The following ZNF385D variants were observed in gnomAD, a reference collection of about 807,000 sequenced individuals.
The protein encoded by ZNF385D is zinc finger protein 659.
In ZNF385D, 15 loss-of-function variants were observed where a neutral mutation model predicts 35.8. That is an observed-to-expected ratio of 0.42 (90% CI 0.28 to 0.64). ZNF385D has a LOEUF of 0.64. ZNF385D is among the 30% of genes least tolerant of loss of function. ZNF385D has a pLI of 0.23. For missense variants in ZNF385D, 474 were observed against 494.6 expected (o/e 0.96, Z 0.39); for synonymous variants, 212 against 186.8 (o/e 1.13, Z -1.10).
Position 21,444,500 on chromosome 3 carries a change from T to C in ZNF385D, c.440-7297A>G, listed in dbSNP as rs200716475. ...CCCTGGTTCAAGCAATTCTCCTGCC[T>C]CAGCCTCCTGAGTAGCTGGGATTAC... On this transcript the variant is annotated intron_variant, in intron 4 of 7. Coordinates refer to ENST00000281523, the MANE Select transcript of ZNF385D (RefSeq NM_024697.3). 3.3e-5 allele frequency among the ~76,000 whole-genome samples: 5 copies of C among 149,956 alleles called. No individual in the cohort carries two copies. In the East Asian group the frequency reaches 1.0e-3, roughly 30 times the overall value.
chr3:22,268,505 C>G (rs2125357194), intron 2 of ZNF385D, among the ~76,000 whole-genome samples: 1 of 152,026 alleles, frequency 6.6e-6, no homozygotes, highest in Admixed American at 6.6e-5. Context: ...GTCAGAGGGT[C>G]ACTGCCACAA....
intron 2 of ZNF385D, among the ~76,000 whole-genome samples, chr3:22,309,309 CAGTTA>C (rs1220715647): frequency 1.3e-5 from 2 of 151,866 alleles, no homozygotes; most frequent in Non-Finnish European, 2.9e-5. Context: ...CTGCCCTGTA[CAGTTA>C]AAACTTTAAT....
At chr3:21,935,918 A>G (rs1701234697) in intron 3 of ZNF385D, among the ~76,000 whole-genome samples, 3 of 152,158 alleles carry the variant, frequency 2.0e-5, no homozygotes, top group African/African-American at 7.2e-5. Context: ...GATTAGAGTC[A>G]CATTTTAAAG....
chr3:21,827,041 C>T (rs1421573593), intron 3 of ZNF385D, among the ~76,000 whole-genome samples: 1 of 152,012 alleles, frequency 6.6e-6, no homozygotes, highest in Non-Finnish European at 1.5e-5. Context: ...AGTAATTTTG[C>T]CATTAAAAGT....
chr3:22,122,840 C>G (rs1293468737), intron 3 of ZNF385D, among the ~76,000 whole-genome samples: 1 of 152,070 alleles, frequency 6.6e-6, no homozygotes, highest in Non-Finnish European at 1.5e-5. Flanking sequence ...TGCAAAGGCC[C>G]TGATGTAGAA....
chr3:21,632,134 T>C (rs1490761548), intron 2 of ZNF385D, among the ~76,000 whole-genome samples: 1 of 152,136 alleles, frequency 6.6e-6, no homozygotes, highest in Non-Finnish European at 1.5e-5. Flanking sequence ...AATATTCTTG[T>C]AGTGGGAAAG....
chr3:21,626,466 A>G (rs1251528622), intron 2 of ZNF385D, among the ~76,000 whole-genome samples: 1 of 152,114 alleles, frequency 6.6e-6, no homozygotes, highest in East Asian at 1.9e-4. Flanking sequence ...TCTTAAGATA[A>G]TATTTGGTTC....
chr3:22,330,163 G>A (rs1315475575), intron 2 of ZNF385D, among the ~76,000 whole-genome samples: 1 of 152,062 alleles, frequency 6.6e-6, no homozygotes, highest in Non-Finnish European at 1.5e-5. Flanking sequence ...ATTTCTCACT[G>A]ATTCATTTTT....
intron 3 of ZNF385D, among the ~76,000 whole-genome samples, chr3:21,919,688 C>A (rs904282409): frequency 1.3e-5 from 2 of 152,158 alleles, no homozygotes; most frequent in Admixed American, 6.5e-5. Context: ...CCATATAATT[C>A]CCCTTTGTCT....
chr3:22,124,011 T>C (rs891196525), intron 3 of ZNF385D, among the ~76,000 whole-genome samples: 20 of 145,136 alleles, frequency 1.4e-4, no homozygotes, highest in Admixed American at 1.2e-3. Flanking sequence ...CTCATCCTGT[T>C]GTGCAAGCAA....
At chr3:21,930,150 C>G (rs976206061) in intron 3 of ZNF385D, among the ~76,000 whole-genome samples, 1 of 151,674 alleles carries the variant, frequency 6.6e-6, no homozygotes, top group Non-Finnish European at 1.5e-5. Context: ...TACTTTATGA[C>G]AATTAGTTTT....
chr3:21,655,111 A>AAAC (rs961956338), intron 2 of ZNF385D, among the ~76,000 whole-genome samples: 16 of 151,500 alleles, frequency 1.1e-4, no homozygotes, highest in South Asian at 2.1e-4. Flanking sequence ...GAAGTGCAAA[A>AAAC]AACAACAACA....
intron 2 of ZNF385D, among the ~76,000 whole-genome samples, chr3:21,593,184 T>C (rs922289785): frequency 5.3e-5 from 8 of 152,130 alleles, no homozygotes; most frequent in East Asian, 1.9e-4. Flanking sequence ...TCAACTCACT[T>C]ACTGTTTTAC....
chr3:21,429,373 T>C (rs1188863783), intron 5 of ZNF385D, among the ~76,000 whole-genome samples: 1 of 152,092 alleles, frequency 6.6e-6, no homozygotes. Context: ...AAATTATATA[T>C]ATGCTTTTAG....
At chr3:22,134,236 A>C (rs2125691703) in intron 3 of ZNF385D, 1 of 152,240 alleles carries the variant, frequency 6.6e-6, no homozygotes, top group South Asian at 2.1e-4. Flanking sequence ...GAAAATAAAC[A>C]CTAGTCAAAG....
chr3:21,418,761 A>G lies in ZNF385D; in HGVS notation c.*2453T>C, dbSNP rs1700617291. On this transcript the variant is annotated 3_prime_UTR_variant, in exon 8 of 8. Coordinates refer to ENST00000281523, the MANE Select transcript of ZNF385D (RefSeq NM_024697.3). ...AGACTGCTTTAATTAACACTAAGTT[A>G]TCTAACAGAAAGTGAGGCTGTATCA... 1 of 152,222 alleles carries G rather than the reference A, an allele frequency of 6.6e-6. No homozygotes were observed. The highest frequency in any genetic ancestry group is 1.5e-5 in the Non-Finnish European group (1 of 68,032). 9.4% of individuals were successfully genotyped at this position (152,222 alleles called of 1,614,324 possible).
intron 2 of ZNF385D, among the ~76,000 whole-genome samples, chr3:22,287,160 T>G (rs561577076): frequency 6.6e-6 from 1 of 152,186 alleles, no homozygotes; most frequent in Non-Finnish European, 1.5e-5. Flanking sequence ...GTTTTTTTAC[T>G]TAAAGCTTAC....
intron 2 of ZNF385D, among the ~76,000 whole-genome samples, chr3:22,332,688 A>G (rs765608069): frequency 2.0e-5 from 3 of 152,158 alleles, no homozygotes; most frequent in Admixed American, 6.6e-5. Context: ...TGGAAAGCCA[A>G]GATGAGAATT....
chr3:21,585,187 GATT>G (rs2063775260), intron 2 of ZNF385D, among the ~76,000 whole-genome samples: 1 of 152,088 alleles, frequency 6.6e-6, no homozygotes, highest in South Asian at 2.1e-4. Flanking sequence ...GCAGGTAAAG[GATT>G]ATTGTTGCTC....
Sources: gnomAD v4.1 joint callset for allele counts (sites outside exome capture counted in the v4.1 genomes callset) on GRCh38, gnomAD v4.1.1 for gene constraint, MANE v1.5 for transcripts, NCBI Gene and HGNC (gene_info 2026-07-23, HGNC 2026-07-21) for gene names.